The following DNAH14 variants were observed in gnomAD, a reference collection of about 807,000 sequenced individuals.
DNAH14 encodes the protein dynein axonemal heavy chain 14.
Under a neutral mutation model 520.9 loss-of-function variants are expected in DNAH14, and 478 were observed. That is an observed-to-expected ratio of 0.92 (90% CI 0.85 to 0.99). DNAH14 has a LOEUF of 0.99. Ranked by LOEUF, DNAH14 falls within the 50% of genes least tolerant of loss-of-function variation. The pLI is 0.00. For missense variants in DNAH14, 4,831 were observed against 5,234.5 expected (o/e 0.92, Z 2.38); for synonymous variants, 1,581 against 1,757.2 (o/e 0.90, Z 2.51).
intron 8 of DNAH14, among the ~76,000 whole-genome samples, chr1:224,993,537 T>C (rs1190675670): frequency 1.3e-5 from 2 of 152,034 alleles, no homozygotes; most frequent in African/African-American, 4.8e-5. Context: ...GTATCAGTTG[T>C]AATGTTTTCT....
intron 38 of DNAH14, among the ~76,000 whole-genome samples, chr1:225,200,779 C>T (rs2086721892): frequency 6.6e-6 from 1 of 152,100 alleles, no homozygotes; most frequent in Non-Finnish European, 1.5e-5. Flanking sequence ...TGCCTCACAG[C>T]TCTTAAGATC....
Position 225,289,976 on chromosome 1 carries a change from A to G in DNAH14, c.8363A>G (p.Lys2788Arg). The G allele has an allele frequency of 2.6e-6, 4 of 1,543,084 alleles. No homozygotes were observed. The highest frequency in any genetic ancestry group is 3.5e-6 in the Non-Finnish European group (4 of 1,142,512). Residue 2788 changes from lysine (K) to arginine (R), a missense_variant, in exon 55 of 86, where the codon AAA (lysine) becomes AGA (arginine). Coordinates refer to ENST00000682510, the MANE Select transcript of DNAH14 (RefSeq NM_001367479.1). ...CTATACCGAGTGCCTATATCTCACA[A>G]ATGTGCCTACATCGAATTCAAAGAA... ...NKLYRVPISHKCAYIEFKEVF... is the reference protein window; with the variant it reads ...NKLYRVPISHRCAYIEFKEVF...
At chr1:224,978,234 A>T (rs550629617) in intron 8 of DNAH14, among the ~76,000 whole-genome samples, 1 of 152,360 alleles carries the variant, frequency 6.6e-6, no homozygotes, top group Admixed American at 6.5e-5. Flanking sequence ...AGCACTGTTC[A>T]CAACAGCCAA....
chr1:225,203,351 G>A (rs560060256), intron 38 of DNAH14, among the ~76,000 whole-genome samples: 1 of 152,292 alleles, frequency 6.6e-6, no homozygotes, highest in South Asian at 2.1e-4. Flanking sequence ...CCTAGGACTT[G>A]CTTACTTTGT....
chr1:225,266,891 T>A, intron 49 of DNAH14, 122 bp downstream of exon 49: 1 of 895,454 alleles, frequency 1.1e-6, no homozygotes, highest in Non-Finnish European at 1.6e-6. Context: ...ATGGACATGT[T>A]AAGCAAAGTT....
chr1:225,358,723 G>C, intron 74 of DNAH14, 71 bp downstream of exon 74: 1 of 1,452,578 alleles, frequency 6.9e-7, no homozygotes, highest in Non-Finnish European at 9.2e-7. Context: ...ATCTTACCTT[G>C]AATTGTAATC....
chr1:225,103,433 A>T (rs565704393), intron 23 of DNAH14, among the ~76,000 whole-genome samples: 27 of 152,244 alleles, frequency 1.8e-4, no homozygotes, highest in African/African-American at 6.0e-4. Flanking sequence ...GAAGAAAGTC[A>T]TTGGTAGCTT....
At chr1:225,356,766 A>G (rs549331706) in intron 73 of DNAH14, among the ~76,000 whole-genome samples, 13 of 152,248 alleles carry the variant, frequency 8.5e-5, no homozygotes, top group South Asian at 2.1e-4. Context: ...TTTCATTTTT[A>G]CCTTTTTGCA....
intron 36 of DNAH14, among the ~76,000 whole-genome samples, chr1:225,178,785 G>A (rs937123974): frequency 2.6e-5 from 4 of 152,102 alleles, no homozygotes; most frequent in Non-Finnish European, 5.9e-5. Flanking sequence ...GGGACCAGGG[G>A]TGGAATGATA....
chr1:225,351,977 G>A, intron 72 of DNAH14, 94 bp downstream of exon 72: 1 of 997,104 alleles, frequency 1.0e-6, no homozygotes, highest in Admixed American at 2.9e-5. Context: ...CTTACATTAT[G>A]AAAAAATTGA....
intron 35 of DNAH14, among the ~76,000 whole-genome samples, chr1:225,164,244 C>T (rs1166273370): frequency 2.6e-5 from 4 of 152,048 alleles, no homozygotes; most frequent in Admixed American, 2.6e-4. Flanking sequence ...ACTCTTTTAT[C>T]AGCCTCCTAT....
At chr1:224,935,770 AT>A in intron 1 of DNAH14, among the ~76,000 whole-genome samples, 1 of 151,974 alleles carries the variant, frequency 6.6e-6, no homozygotes, top group Admixed American at 6.5e-5. Flanking sequence ...ATATATTCTT[AT>A]TAGCACATGG....
chr1:225,370,547 A>G (rs1371836155), intron 77 of DNAH14, among the ~76,000 whole-genome samples: 5 of 151,980 alleles, frequency 3.3e-5, no homozygotes, highest in Non-Finnish European at 7.4e-5. Context: ...AAAATCACAA[A>G]TATCTCAAAA....
chr1:225,119,591 C>T (rs2077135753), intron 26 of DNAH14, among the ~76,000 whole-genome samples: 1 of 152,266 alleles, frequency 6.6e-6, no homozygotes, highest in African/African-American at 2.4e-5. Context: ...GAAAACTGTT[C>T]AGGATCTGAA....
chr1:225,340,433 A>G, intron 68 of DNAH14, 24 bp from the exon 69 acceptor site: 1 of 1,508,254 alleles, frequency 6.6e-7, no homozygotes. Flanking sequence ...TTCTTTGAAT[A>G]ACTGGTGCCT....
At chr1:225,398,401 G>A (rs777048558) in intron 84 of DNAH14, 119 bp from the exon 85 acceptor site, 11 of 1,269,424 alleles carry the variant, frequency 8.7e-6, no homozygotes, top group Non-Finnish European at 1.2e-5. Context: ...TAGAACTTGG[G>A]GCAACATGCC....
intron 23 of DNAH14, among the ~76,000 whole-genome samples, chr1:225,116,243 CAAT>C (rs1324546924): frequency 6.6e-6 from 1 of 152,072 alleles, no homozygotes; most frequent in African/African-American, 2.4e-5. Context: ...TTGAATATCA[CAAT>C]GAGTTTTTAC....
intron 41 of DNAH14, among the ~76,000 whole-genome samples, chr1:225,209,442 G>T (rs1196014861): frequency 6.6e-6 from 1 of 152,042 alleles, no homozygotes; most frequent in Non-Finnish European, 1.5e-5. Flanking sequence ...GAGATTTACA[G>T]GTTCTCATGT....
intron 27 of DNAH14, among the ~76,000 whole-genome samples, chr1:225,139,190 C>T (rs2079213742): frequency 6.6e-6 from 1 of 152,092 alleles, no homozygotes; most frequent in Admixed American, 6.6e-5. Flanking sequence ...GAGGAACTTA[C>T]CCAAACTGTT....
Sources: allele counts gnomAD v4.1 joint callset (sites outside exome capture counted in the v4.1 genomes callset), GRCh38; gene constraint gnomAD v4.1.1; transcripts MANE v1.5; gene names NCBI Gene and HGNC (gene_info 2026-07-23, HGNC 2026-07-21).